GNAQ: variants seen among roughly 807,000 people sequenced by gnomAD.
GNAQ encodes guanine nucleotide-binding protein G(q) subunit alpha.
A neutral mutation model predicts 43.9 loss-of-function variants in GNAQ; 8 were observed. The ratio of observed to expected loss-of-function variants is 0.18; its 90% CI spans 0.11 to 0.33. The LOEUF is 0.33. GNAQ is among the 10% of genes least tolerant of loss of function. The pLI is 1.00. For missense variants in GNAQ, 158 were observed against 450.8 expected (o/e 0.35, Z 5.88); for synonymous variants, 155 against 170.7 (o/e 0.91, Z 0.71).
In GNAQ at chr9:77,716,368, A is replaced by C; in HGVS notation, c.*4955T>G. ...TTTTGCAAAACTAGTTCCCATCCCC[A>C]AACAATAGACAGTACATGCATTTGA... is the stretch of plus-strand genomic sequence containing the variant. On this transcript the variant is annotated 3_prime_UTR_variant, in exon 7 of 7. Coordinates refer to ENST00000286548, the MANE Select transcript of GNAQ (RefSeq NM_002072.5). 4.3e-6 allele frequency: 1 copy of C among 232,670 alleles called. No individual in the cohort carries two copies. Among genetic ancestry groups the C allele is most frequent in the East Asian group, 6.1e-5 (1 of 16,442 alleles). The allele number at this position is 232,670 out of a possible 1,614,324, so 14.4% of individuals were successfully genotyped here. A position where few individuals can be genotyped will look rare whatever the true frequency, so the allele number is the denominator to read the frequency against.
At chr9:77,762,264 C>A (rs1826049177) in intron 5 of GNAQ, among the ~76,000 whole-genome samples, 1 of 145,878 alleles carries the variant, frequency 6.9e-6, no homozygotes. Context: ...GGTCAGCCCC[C>A]CGCCTGGCCA....
chr9:77,922,825 C>T lies in GNAQ; in HGVS notation c.137-480G>A, dbSNP rs1483301807. ...AAAAAGGTCTGAAAATTTCTAGACA[C>T]GCTCCCTATTTTATTTTTTTTAGAC... On this transcript the variant is annotated intron_variant, in intron 1 of 6. Coordinates refer to ENST00000286548, the MANE Select transcript of GNAQ (RefSeq NM_002072.5). Among the ~76,000 whole-genome samples, 5 of 152,112 alleles carry T rather than the reference C, an allele frequency of 3.3e-5. No homozygotes were observed. In the East Asian group the frequency reaches 9.7e-4, roughly 30 times the overall value.
intron 3 of GNAQ, among the ~76,000 whole-genome samples, chr9:77,809,755 T>C (rs1018312914): frequency 6.6e-6 from 1 of 152,212 alleles, no homozygotes; most frequent in East Asian, 1.9e-4. Context: ...GATTACTTAC[T>C]ATGATAGGCA....
chr9:77,729,056 G>A (rs1587886493), intron 5 of GNAQ, among the ~76,000 whole-genome samples: 1 of 151,506 alleles, frequency 6.6e-6, no homozygotes, highest in African/African-American at 2.4e-5. Flanking sequence ...GCTTCATTTT[G>A]TATTTCTTAA....
At chr9:77,990,920 T>C (rs562355178) in intron 1 of GNAQ, among the ~76,000 whole-genome samples, 79 of 152,234 alleles carry the variant, frequency 5.2e-4, no homozygotes, top group Non-Finnish European at 8.7e-4. Context: ...GTTGACCTTA[T>C]TTATACATAC....
intron 1 of GNAQ, among the ~76,000 whole-genome samples, chr9:77,962,202 T>C (rs761026670): frequency 7.2e-5 from 11 of 152,054 alleles, no homozygotes; most frequent in Non-Finnish European, 8.8e-5. Context: ...TCTAATATAC[T>C]TGGAATTTGA....
intron 1 of GNAQ, among the ~76,000 whole-genome samples, chr9:77,976,366 T>TTTTTTGG (rs569328700): frequency 6.6e-6 from 1 of 151,930 alleles, no homozygotes; most frequent in Non-Finnish European, 1.5e-5. Flanking sequence ...TTGGTTTTTG[T>TTTTTTGG]TTTTTGGTTT....
chr9:77,761,319 A>G (rs1587903531), intron 5 of GNAQ, among the ~76,000 whole-genome samples: 1 of 85,064 alleles, frequency 1.2e-5, no homozygotes, highest in African/African-American at 4.2e-5. Context: ...TCCGGGAGGG[A>G]GGTGGGGGGT....
intron 2 of GNAQ, among the ~76,000 whole-genome samples, chr9:77,877,536 T>C (rs1828143233): frequency 2.0e-5 from 3 of 152,178 alleles, no homozygotes; most frequent in African/African-American, 7.2e-5. Flanking sequence ...AGGGAAAAAA[T>C]ATAGGTGGGT....
intron 5 of GNAQ, among the ~76,000 whole-genome samples, chr9:77,741,731 C>T (rs948329454): frequency 6.6e-6 from 1 of 152,170 alleles, no homozygotes; most frequent in East Asian, 1.9e-4. Context: ...CATTTGAAGA[C>T]ACAGGTAAAC....
chr9:77,968,230 A>T (rs1823193905), intron 1 of GNAQ, among the ~76,000 whole-genome samples: 1 of 152,222 alleles, frequency 6.6e-6, no homozygotes, highest in Non-Finnish European at 1.5e-5. Context: ...AAGATAAAGA[A>T]CTGAAACGGT....
rs1183011009 is a variant in GNAQ at position 77,965,079 on chromosome 9, G to GC, written c.137-42735dup. On this transcript the variant is annotated intron_variant, in intron 1 of 6. Coordinates refer to ENST00000286548, the MANE Select transcript of GNAQ (RefSeq NM_002072.5). ...TCCATTACTGTAACTACTCAAAAAGGCCTAATTAAATTTTATTTCCTCTTT... is the reference window on the plus strand; with the variant it reads ...TCCATTACTGTAACTACTCAAAAAGGCCCTAATTAAATTTTATTTCCTCTTT... 1.6e-4 allele frequency among the ~76,000 whole-genome samples: 24 copies of GC among 146,838 alleles called. No individual in the cohort carries two copies. In the East Asian group the frequency reaches 4.5e-3, roughly 28 times the overall value.
intron 4 of GNAQ, among the ~76,000 whole-genome samples, chr9:77,796,654 T>G (rs866438203): frequency 3.9e-5 from 6 of 152,224 alleles, no homozygotes; most frequent in Non-Finnish European, 5.9e-5. Context: ...AAATACAGAC[T>G]AGGTTAATTA....
chr9:77,799,363 T>C (rs928334631), intron 3 of GNAQ, among the ~76,000 whole-genome samples: 6 of 152,342 alleles, frequency 3.9e-5, no homozygotes, highest in African/African-American at 9.6e-5. Context: ...CATGTTATAA[T>C]TGAACAATAA....
intron 2 of GNAQ, among the ~76,000 whole-genome samples, chr9:77,859,594 C>CAA (rs1230318666): frequency 6.6e-6 from 1 of 152,090 alleles, no homozygotes; most frequent in Non-Finnish European, 1.5e-5. Flanking sequence ...TTAAACACAC[C>CAA]AACTCTAAGC....
At chr9:77,779,761 C>T (rs1166375875) in intron 5 of GNAQ, among the ~76,000 whole-genome samples, 3 of 148,908 alleles carry the variant, frequency 2.0e-5, no homozygotes, top group Non-Finnish European at 1.5e-5. Context: ...ATCACACGGA[C>T]GTTAAAAGGA....
chr9:78,018,981 G>C (rs1823872097), intron 1 of GNAQ, among the ~76,000 whole-genome samples: 1 of 152,138 alleles, frequency 6.6e-6, no homozygotes, highest in Non-Finnish European at 1.5e-5. Context: ...AGAAGAATCT[G>C]TTCTCATAAC....
intron 5 of GNAQ, among the ~76,000 whole-genome samples, chr9:77,750,758 G>A (rs1196787469): frequency 3.3e-5 from 5 of 152,124 alleles, no homozygotes; most frequent in Non-Finnish European, 7.4e-5. Context: ...AATTGGTCAT[G>A]TAAATATTAT....
intron 2 of GNAQ, among the ~76,000 whole-genome samples, chr9:77,898,034 A>C (rs1304501281): frequency 2.0e-5 from 3 of 152,076 alleles, no homozygotes; most frequent in African/African-American, 7.2e-5. Flanking sequence ...GGATGACAAA[A>C]TTTATTCAGA....
Sources: gnomAD v4.1 joint callset for allele counts (sites outside exome capture counted in the v4.1 genomes callset) on GRCh38, gnomAD v4.1.1 for gene constraint, MANE v1.5 for transcripts, NCBI Gene and HGNC (gene_info 2026-07-23, HGNC 2026-07-21) for gene names.